The following NUP54 variants were observed in gnomAD, a reference collection of about 807,000 sequenced individuals.
NUP54 encodes nucleoporin p54.
In NUP54, 27 loss-of-function variants were observed where a neutral mutation model predicts 66.4. That is an observed-to-expected ratio of 0.41 (90% CI 0.30 to 0.56). The LOEUF is 0.56. NUP54 is among the 20% of genes least tolerant of loss of function. The pLI is 0.34. For missense variants in NUP54, 486 were observed against 596.3 expected (o/e 0.82, Z 1.93); for synonymous variants, 206 against 210.7 (o/e 0.98, Z 0.19).
chr4:76,118,984 C>T (rs767780952), intron 9 of NUP54, among the ~76,000 whole-genome samples: 2 of 151,960 alleles, frequency 1.3e-5, no homozygotes, highest in Admixed American at 1.3e-4. Flanking sequence ...CCAGCCTGGG[C>T]AACAGAGCGA....
intron 9 of NUP54, among the ~76,000 whole-genome samples, chr4:76,120,421 CTTTTT>C (rs59098375): frequency 0.025 from 2,985 of 117,794 alleles, 106 homozygotes; most frequent in African/African-American, 0.09. Flanking sequence ...AAAGGGATCT[CTTTTT>C]TTTTTTTTTT....
At chr4:76,132,779 C>T in intron 5 of NUP54, 60 bp from the exon 6 acceptor site, 1 of 1,259,890 alleles carries the variant, frequency 7.9e-7, no homozygotes, top group Non-Finnish European at 1.1e-6. Flanking sequence ...CGACAAACCT[C>T]AGCATATCAT....
chr4:76,144,832 G>C (rs1038873592), intron 1 of NUP54, among the ~76,000 whole-genome samples: 1 of 152,150 alleles, frequency 6.6e-6, no homozygotes, highest in Non-Finnish European at 1.5e-5. Context: ...ATGCCTAGAA[G>C]ATTTAGACTG....
At position 76,123,653 on chromosome 4, in the gene NUP54, C is replaced by T. The variant is rs143401411; in HGVS notation, c.1164+996G>A. 7.9e-3 allele frequency among the ~76,000 whole-genome samples: 1,201 copies of T among 152,222 alleles called. 11 individuals carry two copies. The highest frequency in any genetic ancestry group is 0.028 in the African/African-American group (1,152 of 41,556). On this transcript the variant is annotated intron_variant, in intron 9 of 11. Transcript: ENST00000264883. ...TCAGCCTCCCAAGTAACTGGAACTA[C>T]AGGCACAAGCAACCATGCCTGGCTG... is the stretch of plus-strand genomic sequence containing the variant.
intron 3 of NUP54, among the ~76,000 whole-genome samples, chr4:76,143,249 A>C (rs1434701180): frequency 2.0e-5 from 3 of 152,234 alleles, no homozygotes; most frequent in African/African-American, 7.2e-5. Context: ...GCGTGCAATC[A>C]GAAAAGTCTT....
rs933505448 is a variant in NUP54 at position 76,115,095 on chromosome 4, G to A, written c.*271C>T. On this transcript the variant is annotated 3_prime_UTR_variant, in exon 12 of 12. Transcript: ENST00000264883. ...TTTAAGAAAATGCTGTTGTAAAAATGTACAATAGTACATACAATTTTGGTA... is the reference window on the plus strand; with the variant it reads ...TTTAAGAAAATGCTGTTGTAAAAATATACAATAGTACATACAATTTTGGTA... The A allele has an allele frequency of 1.9e-5, 5 of 267,068 alleles. No individual in the cohort carries two copies. Among genetic ancestry groups the A allele is most frequent in the East Asian group, 1.6e-4 (2 of 12,702 alleles). 16.5% of individuals were successfully genotyped at this position (267,068 alleles called of 1,614,324 possible). A position where few individuals can be genotyped will look rare whatever the true frequency, so the allele number is the denominator to read the frequency against.
intron 8 of NUP54, among the ~76,000 whole-genome samples, 157 bp from the exon 9 acceptor site, chr4:76,124,913 C>T: frequency 6.6e-6 from 1 of 152,094 alleles, no homozygotes; most frequent in East Asian, 1.9e-4. Context: ...TATTTCTTCC[C>T]TTTTTACATA....
intron 1 of NUP54, among the ~76,000 whole-genome samples, chr4:76,146,786 G>A (rs1217903489): frequency 6.6e-6 from 1 of 152,148 alleles, no homozygotes; most frequent in Non-Finnish European, 1.5e-5. Context: ...AACAACCCAC[G>A]TGCATATGAA....
intron 8 of NUP54, among the ~76,000 whole-genome samples, chr4:76,128,243 C>A (rs560944654): frequency 6.6e-6 from 1 of 152,084 alleles, no homozygotes; most frequent in Non-Finnish European, 1.5e-5. Flanking sequence ...AGCATCTGGG[C>A]CTCTACACAT....
intron 8 of NUP54, among the ~76,000 whole-genome samples, chr4:76,129,680 AC>A (rs1204520145): frequency 6.6e-6 from 1 of 151,976 alleles, no homozygotes; most frequent in Non-Finnish European, 1.5e-5. Context: ...CCTGGTTAAC[AC>A]GGTGAAACCC....
At chr4:76,118,005 G>C in intron 10 of NUP54, 70 bp downstream of exon 10, 2 of 1,491,984 alleles carry the variant, frequency 1.3e-6, no homozygotes, top group Non-Finnish European at 9.2e-7. Context: ...CCTGCTTGAA[G>C]ATTACATAAC....
At chr4:76,135,828 T>C (rs28479255) in intron 4 of NUP54, among the ~76,000 whole-genome samples, 20,004 of 152,182 alleles carry the variant, frequency 0.13, 1,539 homozygotes, top group East Asian at 0.35. Flanking sequence ...AAGGGGAATT[T>C]CTGTCTGCTG....
At chr4:76,128,213 G>C (rs1730625384) in intron 8 of NUP54, among the ~76,000 whole-genome samples, 1 of 151,998 alleles carries the variant, frequency 6.6e-6, no homozygotes, top group Admixed American at 6.6e-5. Flanking sequence ...GTACTGTTCT[G>C]TACACTGCAG....
intron 4 of NUP54, among the ~76,000 whole-genome samples, chr4:76,134,613 A>G (rs1043544044): frequency 1.3e-5 from 2 of 152,100 alleles, no homozygotes; most frequent in Non-Finnish European, 2.9e-5. Flanking sequence ...GTAACTAAAC[A>G]GCTTTCTCCC....
At chr4:76,144,125 T>C (rs998637752) in intron 3 of NUP54, 24 bp downstream of exon 3, 1 of 1,612,804 alleles carries the variant, frequency 6.2e-7, no homozygotes, top group African/African-American at 1.3e-5. Flanking sequence ...GTTTTGTATT[T>C]GAAGCTGAAA....
intron 8 of NUP54, among the ~76,000 whole-genome samples, chr4:76,127,758 C>T (rs1238182278): frequency 2.0e-5 from 3 of 152,034 alleles, no homozygotes; most frequent in Admixed American, 2.0e-4. Flanking sequence ...ACGTTATAAA[C>T]AGAGACTACA....
chr4:76,131,741 T>A (rs1487913797), intron 6 of NUP54, among the ~76,000 whole-genome samples: 10 of 152,120 alleles, frequency 6.6e-5, no homozygotes, highest in Admixed American at 5.2e-4. Flanking sequence ...TTTGGCAATA[T>A]CTAACATACA....
In NUP54 at chr4:76,115,351, C is replaced by G. The variant is rs1261776684; in HGVS notation, c.*15G>C. 6.4e-7 allele frequency: 1 copy of G among 1,571,290 alleles called. No homozygotes were observed. The highest frequency in any genetic ancestry group is 1.4e-5 in the African/African-American group (1 of 72,666). ...AAGATGCATTTCACAAACCTTTACA[C>G]AAGTTTGTGAACTGTCAACTAAAGA... On this transcript the variant is annotated 3_prime_UTR_variant, in exon 12 of 12. Coordinates refer to ENST00000264883, the MANE Select transcript of NUP54 (RefSeq NM_017426.4).
chr4:76,134,198 G>T lies in NUP54; in HGVS notation c.687C>A (p.Gly229=), dbSNP rs367665432. ...ACTGATCATCTGGCAATGTTTTAGT[G>T]CCCTCTACATTTACAGTAAGGGTCT... ...GNQTLTVNVE[G]TKTLPDDQTE... is the part of the protein sequence containing the mutation. The change falls in exon 5 of 12, where the codon GGC becomes GGA. Residue 229 remains glycine, a synonymous_variant. Transcript: ENST00000264883. 7 of 1,611,636 alleles carry T rather than the reference G, an allele frequency of 4.3e-6. No homozygotes were observed. In the African/African-American group the frequency reaches 6.7e-5, roughly 15 times the overall value.
Sources: allele counts gnomAD v4.1 joint callset (sites outside exome capture counted in the v4.1 genomes callset), GRCh38; gene constraint gnomAD v4.1.1; transcripts MANE v1.5; gene names NCBI Gene and HGNC (gene_info 2026-07-23, HGNC 2026-07-21).